FRMD5: variants seen among roughly 807,000 people sequenced by gnomAD.
FRMD5 encodes FERM domain-containing protein 5.
Under a neutral mutation model 69.0 loss-of-function variants are expected in FRMD5, and 20 were observed. The observed-to-expected ratio is 0.29, with a 90% CI of 0.20 to 0.42. The LOEUF (loss-of-function observed/expected upper bound fraction) is 0.42, where lower values mean the gene tolerates loss of function less well. Ranked by LOEUF, FRMD5 falls within the 10% of genes least tolerant of loss-of-function variation. The probability of loss-of-function intolerance (pLI) is 1.00; values close to 1 mark genes in which losing one functional copy is unlikely to be tolerated. For missense variants in FRMD5, 595 were observed against 708.6 expected (o/e 0.84, Z 1.82); for synonymous variants, 271 against 260.1 (o/e 1.04, Z -0.40).
intron 1 of FRMD5, among the ~76,000 whole-genome samples, chr15:43,947,539 T>C (rs2089965672): frequency 1.3e-5 from 2 of 152,126 alleles, no homozygotes; most frequent in Non-Finnish European, 2.9e-5. Context: ...TCCCTGGTTT[T>C]AAGGAGGTTG....
At chr15:43,878,927 CTTTTCTTTTTTTTTTTTT>C (rs1029271517) in intron 13 of FRMD5, among the ~76,000 whole-genome samples, 5 of 132,632 alleles carry the variant, frequency 3.8e-5, no homozygotes, top group Non-Finnish European at 8.1e-5. Context: ...TTTTTTTTTT[CTTTTCTTTTTTTTTTTTT>C]TTTTTGAGAT....
chr15:43,954,940 T>C (rs537971986), intron 1 of FRMD5, among the ~76,000 whole-genome samples: 3 of 152,248 alleles, frequency 2.0e-5, no homozygotes, highest in Non-Finnish European at 4.4e-5. Flanking sequence ...GAAGCTATTA[T>C]AATAATTATT....
intron 3 of FRMD5, 52 bp from the exon 4 acceptor site, chr15:43,919,589 C>T: frequency 6.4e-7 from 1 of 1,571,902 alleles, no homozygotes. Flanking sequence ...CAGAAGAGGA[C>T]AGGGCTCTTC....
chr15:43,951,293 G>T (rs2090023347), intron 1 of FRMD5, among the ~76,000 whole-genome samples: 1 of 151,824 alleles, frequency 6.6e-6, no homozygotes, highest in Admixed American at 6.6e-5. Context: ...ATGGTGGCGG[G>T]CACCTGTAGT....
chr15:43,963,388 A>T (rs990210227), intron 1 of FRMD5, among the ~76,000 whole-genome samples: 3 of 152,252 alleles, frequency 2.0e-5, no homozygotes, highest in Non-Finnish European at 4.4e-5. Context: ...AATGGCTATC[A>T]TTAAAAAGTC....
chr15:43,957,512 G>C (rs1298331177), intron 1 of FRMD5, among the ~76,000 whole-genome samples: 1 of 152,212 alleles, frequency 6.6e-6, no homozygotes, highest in Non-Finnish European at 1.5e-5. Context: ...ATAATTTCTA[G>C]TTAGTTAGGT....
chr15:43,919,338 G>T lies in FRMD5; in HGVS notation c.329+121C>A, dbSNP rs2089451837. 2.2e-5 allele frequency: 19 copies of T among 845,912 alleles called. No homozygotes were observed. The South Asian group carries it at 2.4e-4, about 11-fold the overall frequency. The allele number at this position is 845,912 out of a possible 1,614,324, so 52.4% of individuals were successfully genotyped here. On this transcript the variant is annotated intron_variant, in intron 4 of 13. Coordinates refer to ENST00000417257, the MANE Select transcript of FRMD5 (RefSeq NM_032892.5). ...GAAATACAGAAGTCATTATATTTAG[G>T]AAGAGTTCCTTGCCTCTAAGAGTTA... is the stretch of plus-strand genomic sequence containing the variant.
chr15:44,133,216 A>T (rs1423611358), intron 1 of FRMD5, among the ~76,000 whole-genome samples: 5 of 151,794 alleles, frequency 3.3e-5, no homozygotes, highest in Admixed American at 1.3e-4. Context: ...CCGTCTCAAA[A>T]AAAAAAATCA....
chr15:44,065,639 T>C (rs1893278655), intron 1 of FRMD5, among the ~76,000 whole-genome samples: 1 of 152,126 alleles, frequency 6.6e-6, no homozygotes, highest in South Asian at 2.1e-4. Context: ...ATTTTGGTCA[T>C]GATATTGATT....
chr15:43,986,562 T>C lies in FRMD5; in HGVS notation c.103-62253A>G, dbSNP rs184609696. Among the ~76,000 whole-genome samples, 13 of 152,298 alleles carry C rather than the reference T, an allele frequency of 8.5e-5. No homozygotes were observed. The East Asian group carries it at 2.5e-3, about 29-fold the overall frequency. ...CACATTAAAGAAACTCTTGCAGATA[T>C]TTCATGACACTGAAAGCACAAAGTG... On this transcript the variant is annotated intron_variant, in intron 1 of 13. Transcript: ENST00000417257.
chr15:43,994,585 C>T (rs563760642), intron 1 of FRMD5, among the ~76,000 whole-genome samples: 1 of 152,080 alleles, frequency 6.6e-6, no homozygotes, highest in African/African-American at 2.4e-5. Context: ...CACATGCCAC[C>T]ACACCCAGCT....
chr15:44,091,060 C>T (rs1011844147), intron 1 of FRMD5, among the ~76,000 whole-genome samples: 6 of 152,242 alleles, frequency 3.9e-5, no homozygotes, highest in Non-Finnish European at 7.3e-5. Flanking sequence ...TATTCAAGTA[C>T]CAAGCATTTG....
At chr15:43,874,642 G>A (rs1020994379) in intron 13 of FRMD5, among the ~76,000 whole-genome samples, 180 bp from the exon 14 acceptor site, 1 of 152,186 alleles carries the variant, frequency 6.6e-6, no homozygotes, top group African/African-American at 2.4e-5. Context: ...GCTTACACCT[G>A]TCATCTCAGC....
upstream of FRMD5, among the ~76,000 whole-genome samples, chr15:44,197,299 T>A (rs2078319907): frequency 6.6e-6 from 1 of 152,096 alleles, no homozygotes; most frequent in South Asian, 2.1e-4. Context: ...ACTCAAAATT[T>A]CAGGAAGATC....
intron 1 of FRMD5, among the ~76,000 whole-genome samples, chr15:44,076,682 G>A (rs1274857320): frequency 2.0e-5 from 3 of 148,158 alleles, no homozygotes; most frequent in Non-Finnish European, 4.5e-5. Context: ...TAGATGATGA[G>A]TTAGTGGGTG....
intron 1 of FRMD5, among the ~76,000 whole-genome samples, chr15:44,054,942 C>A (rs568922861): frequency 3.3e-5 from 5 of 151,806 alleles, no homozygotes. Context: ...TGGTGGCATG[C>A]GCCTGTAATC....
chr15:43,956,948 C>T (rs1198560828), intron 1 of FRMD5, among the ~76,000 whole-genome samples: 1 of 152,126 alleles, frequency 6.6e-6, no homozygotes, highest in African/African-American at 2.4e-5. Flanking sequence ...GAAGATTTAC[C>T]ATCATCTACC....
chr15:44,116,226 T>TAG (rs568214784), intron 1 of FRMD5, among the ~76,000 whole-genome samples: 92 of 148,252 alleles, frequency 6.2e-4, no homozygotes, highest in African/African-American at 1.7e-3. Context: ...TATATATATA[T>TAG]AGAGAGAGAG....
intron 4 of FRMD5, among the ~76,000 whole-genome samples, chr15:43,914,419 T>G (rs935805450): frequency 2.0e-5 from 3 of 152,162 alleles, no homozygotes; most frequent in African/African-American, 7.2e-5. Context: ...AGACTATGTT[T>G]TATTTACTTT....
Sources: allele counts gnomAD v4.1 joint callset (sites outside exome capture counted in the v4.1 genomes callset), GRCh38; gene constraint gnomAD v4.1.1; transcripts MANE v1.5; gene names NCBI Gene and HGNC (gene_info 2026-07-23, HGNC 2026-07-21).